RBM18: variants seen among roughly 807,000 people sequenced by gnomAD.
The protein encoded by RBM18 is RNA binding motif protein 18.
Under a neutral mutation model 26.4 loss-of-function variants are expected in RBM18, and 18 were observed. That is an observed-to-expected ratio of 0.68 (90% CI 0.47 to 1.01). The LOEUF (loss-of-function observed/expected upper bound fraction) is 1.01, where lower values mean the gene tolerates loss of function less well. RBM18 is among the 50% of genes least tolerant of loss of function. The probability of loss-of-function intolerance (pLI) is 0.00; values close to 1 mark genes in which losing one functional copy is unlikely to be tolerated. For synonymous variants in RBM18, 74 were observed against 81.1 expected (o/e 0.91, Z 0.47); for missense variants, 180 against 219.2 (o/e 0.82, Z 1.13).
At chr9:122,254,048 A>AC (rs60096461) in intron 2 of RBM18, among the ~76,000 whole-genome samples, 1 of 151,294 alleles carries the variant, frequency 6.6e-6, no homozygotes, top group African/African-American at 2.4e-5. Flanking sequence ...AAGAAAAAAA[A>AC]CCCACAAAAA....
intron 5 of RBM18, among the ~76,000 whole-genome samples, chr9:122,244,658 TA>T (rs1475841853): frequency 3.3e-5 from 5 of 151,720 alleles, no homozygotes; most frequent in Non-Finnish European, 5.9e-5. Context: ...AATGTCTCCC[TA>T]GGCTACAAGG....
At chr9:122,248,061 A>G (rs10115120) in intron 3 of RBM18, among the ~76,000 whole-genome samples, 70,986 of 151,944 alleles carry the variant, frequency 0.47, 17,618 homozygotes, top group East Asian at 0.83. Flanking sequence ...CTGGGATTAC[A>G]GGCGTGAGCT....
rs779151852 is a variant in RBM18, at chr9:122,241,897, T to G, written c.560A>C (p.Lys187Thr). Residue 187 changes from lysine (K) to threonine (T), a missense_variant, in exon 6 of 6, where the codon AAA becomes ACA. Coordinates refer to ENST00000417201, the MANE Select transcript of RBM18 (RefSeq NM_033117.4). ...RTTPYSRTAW[K>T]SRR ...AATTCACAACCATCATCTTCGAGAT[T>G]TCCATGCTGTTCTAGAATATGGAGT... 3.1e-6 allele frequency: 5 copies of G among 1,611,502 alleles called. 1 individual carries two copies. In the South Asian group the frequency reaches 4.4e-5, roughly 14 times the overall value.
Position 122,245,198 on chromosome 9 carries a change from A to G in RBM18, c.413+58T>C, listed in dbSNP as rs1310527494. The G allele has an allele frequency of 1.1e-5, 11 of 976,248 alleles. No homozygotes were observed. In the Admixed American group the frequency reaches 1.6e-4, roughly 14 times the overall value. The allele number at this position is 976,248 out of a possible 1,614,324, so 60.5% of individuals were successfully genotyped here. ...ACTATTTTATGAACGAAGACATGGA[A>G]TAATGAAATGGCTGAAGCTCCTGAA... On this transcript the variant is annotated intron_variant, in intron 5 of 5. Transcript: ENST00000417201.
At chr9:122,256,797 C>T (rs1831704323) in intron 2 of RBM18, among the ~76,000 whole-genome samples, 1 of 152,188 alleles carries the variant, frequency 6.6e-6, no homozygotes, top group Non-Finnish European at 1.5e-5. Context: ...TGTTCCACTT[C>T]CCTCACAAAG....
Position 122,238,762 on chromosome 9 carries a change from T to C in RBM18, c.*3122A>G, listed in dbSNP as rs1352802046. The C allele has an allele frequency of 6.6e-6, 1 of 152,216 alleles. No homozygotes were observed. The allele number at this position is 152,216 out of a possible 1,614,324, so 9.4% of individuals were successfully genotyped here. The stretch of plus-strand genomic sequence containing the variant: ...AAAATAATTTTTTTAAAAATTGCTT[T>C]GGCTACTGTGTGGAAAACGGACCCT... On this transcript the variant is annotated 3_prime_UTR_variant, in exon 6 of 6. Coordinates refer to ENST00000417201, the MANE Select transcript of RBM18 (RefSeq NM_033117.4).
Position 122,239,478 on chromosome 9 carries a change from CTCAG to C in RBM18, c.*2402_*2405del, listed in dbSNP as rs1303625892. ...GAAGAAAATAGTTCATACGTCTCTC[CTCAG>C]TATTTCCTTCAATTCTTCACTCTTG... On this transcript the variant is annotated 3_prime_UTR_variant, in exon 6 of 6. Transcript: ENST00000417201. The C allele has an allele frequency of 6.6e-6, 1 of 152,160 alleles. No individual in the cohort carries two copies. The highest frequency in any genetic ancestry group is 2.4e-5 in the African/African-American group (1 of 41,420). 9.4% of individuals were successfully genotyped at this position (152,160 alleles called of 1,614,324 possible).
chr9:122,241,000 G>C lies in RBM18; in HGVS notation c.*884C>G, dbSNP rs771650102. Reference sequence around the variant, plus strand: ...ATATAGCAATGTTTAGGTTTTCAAAGAAATTTTGCTTTTTCTATTTAGACT... The same window carrying C: ...ATATAGCAATGTTTAGGTTTTCAAACAAATTTTGCTTTTTCTATTTAGACT... On this transcript the variant is annotated 3_prime_UTR_variant, in exon 6 of 6. Coordinates refer to ENST00000417201, the MANE Select transcript of RBM18 (RefSeq NM_033117.4). 1 of 152,138 alleles carries C rather than the reference G, an allele frequency of 6.6e-6. No individual in the cohort carries two copies. 9.4% of individuals were successfully genotyped at this position (152,138 alleles called of 1,614,324 possible).
At chr9:122,256,903 T>G (rs1347776215) in intron 2 of RBM18, among the ~76,000 whole-genome samples, 1 of 152,180 alleles carries the variant, frequency 6.6e-6, no homozygotes, top group Non-Finnish European at 1.5e-5. Flanking sequence ...AGGTAAGAAA[T>G]TATTACATAT....
chr9:122,248,389 A>G (rs1051010214), intron 3 of RBM18, among the ~76,000 whole-genome samples: 1 of 152,168 alleles, frequency 6.6e-6, no homozygotes, highest in South Asian at 2.1e-4. Flanking sequence ...CTATGTCAAG[A>G]AACTGTACTC....
intron 1 of RBM18, among the ~76,000 whole-genome samples, chr9:122,263,841 C>A (rs1831887149): frequency 6.6e-6 from 1 of 152,138 alleles, no homozygotes; most frequent in Non-Finnish European, 1.5e-5. Flanking sequence ...GCAGGCTATG[C>A]GGGTCTGGGT....
At chr9:122,250,291 T>C (rs988893178) in intron 3 of RBM18, among the ~76,000 whole-genome samples, 2 of 152,178 alleles carry the variant, frequency 1.3e-5, no homozygotes, top group Non-Finnish European at 2.9e-5. Flanking sequence ...GGCAGTTTTA[T>C]TAAGAAAAAC....
At chr9:122,242,802 C>T (rs911801471) in intron 5 of RBM18, among the ~76,000 whole-genome samples, 5 of 152,020 alleles carry the variant, frequency 3.3e-5, no homozygotes, top group Non-Finnish European at 5.9e-5. Context: ...GGGCTACAGG[C>T]ACACACCACC....
intron 4 of RBM18, among the ~76,000 whole-genome samples, chr9:122,245,899 A>G (rs1234128404): frequency 6.6e-6 from 1 of 152,022 alleles, no homozygotes; most frequent in African/African-American, 2.4e-5. Flanking sequence ...GGCTGAGGTA[A>G]GAGGATTGCT....
At chr9:122,261,351 G>A (rs143365385) in intron 2 of RBM18, 29 bp downstream of exon 2, 1 of 1,470,110 alleles carries the variant, frequency 6.8e-7, no homozygotes, top group African/African-American at 1.4e-5. Context: ...CAATATTGTA[G>A]GTAAAAAACT....
chr9:122,255,564 G>A (rs777085747), intron 2 of RBM18, among the ~76,000 whole-genome samples: 2 of 152,106 alleles, frequency 1.3e-5, no homozygotes, highest in African/African-American at 4.8e-5. Context: ...TGGTCAGGGG[G>A]AACAAGATCT....
At chr9:122,247,687 T>G in intron 3 of RBM18, 83 bp from the exon 4 acceptor site, 3 of 1,025,480 alleles carry the variant, frequency 2.9e-6, no homozygotes, top group Non-Finnish European at 4.5e-6. Context: ...TCACTAGCTT[T>G]GATGGCTGAG....
chr9:122,251,302 C>G (rs1831602235), intron 3 of RBM18, among the ~76,000 whole-genome samples: 1 of 152,172 alleles, frequency 6.6e-6, no homozygotes, highest in Non-Finnish European at 1.5e-5. Context: ...AATTCAATTT[C>G]TTTATCAATG....
chr9:122,263,044 T>TCAGA (rs1444820840), intron 1 of RBM18, among the ~76,000 whole-genome samples: 1 of 152,142 alleles, frequency 6.6e-6, no homozygotes, highest in Non-Finnish European at 1.5e-5. Context: ...GCAGGCTGTG[T>TCAGA]CAGAGTTCAG....
Sources: gnomAD v4.1 joint callset for allele counts (sites outside exome capture counted in the v4.1 genomes callset) on GRCh38, gnomAD v4.1.1 for gene constraint, MANE v1.5 for transcripts, NCBI Gene and HGNC (gene_info 2026-07-23, HGNC 2026-07-21) for gene names.